The following RGR variants were observed in gnomAD, a reference collection of about 807,000 sequenced individuals.
The protein encoded by RGR is RPE-retinal G protein-coupled receptor.
RGR carries 30 observed loss-of-function variants against 28.6 expected under a neutral mutation model. The observed-to-expected ratio is 1.05, with a 90% confidence interval of 0.78 to 1.42. The LOEUF is 1.42. Among genes scored for constraint, RGR ranks in the 40% most tolerant of loss-of-function variants. The pLI is 0.00. For synonymous variants in RGR, 180 were observed against 156.4 expected (o/e 1.15, Z -1.13); for missense variants, 404 against 375.6 (o/e 1.08, Z -0.62).
At chr10:84,247,066 C>A (rs866760352) in intron 1 of RGR, among the ~76,000 whole-genome samples, 4 of 152,184 alleles carry the variant, frequency 2.6e-5, no homozygotes, top group South Asian at 4.1e-4. Context: ...GAGCAGCAAG[C>A]GAGGCAACCA....
At chr10:84,246,031 C>T (rs572909482) in intron 1 of RGR, among the ~76,000 whole-genome samples, 7 of 152,332 alleles carry the variant, frequency 4.6e-5, no homozygotes, top group East Asian at 1.9e-4. Context: ...GCTCTGGACA[C>T]GACTGTCTGG....
chr10:84,249,256 C>T (rs1225615683), intron 3 of RGR, among the ~76,000 whole-genome samples: 3 of 152,194 alleles, frequency 2.0e-5, no homozygotes, highest in African/African-American at 2.4e-5. Flanking sequence ...CTTGCCATTA[C>T]CGCAACCTTG....
intron 6 of RGR, 81 bp from the exon 7 acceptor site, chr10:84,258,427 G>A: frequency 6.2e-7 from 1 of 1,609,574 alleles, no homozygotes; most frequent in South Asian, 1.1e-5. Flanking sequence ...GTAGGTGGAG[G>A]GTGACCGGGG....
chr10:84,258,443 A>G, intron 6 of RGR, 65 bp from the exon 7 acceptor site: 1 of 1,613,018 alleles, frequency 6.2e-7, no homozygotes, highest in Non-Finnish European at 8.5e-7. Context: ...CGGGGTCACC[A>G]GGTGAGACCA....
chr10:84,256,783 C>T (rs372181202), intron 5 of RGR, among the ~76,000 whole-genome samples: 4 of 152,166 alleles, frequency 2.6e-5, no homozygotes, highest in African/African-American at 9.7e-5. Context: ...GACAAGGCTG[C>T]CACCATGATC....
chr10:84,258,117 T>G, intron 6 of RGR, 111 bp downstream of exon 6: 1 of 1,015,708 alleles, frequency 9.8e-7, no homozygotes, highest in Non-Finnish European at 1.5e-6. Flanking sequence ...TTCCTTTCTG[T>G]GTTTCTTCCT....
chr10:84,248,699 A>G (rs2132878404), intron 2 of RGR: 4 of 677,762 alleles, frequency 5.9e-6, no homozygotes, highest in South Asian at 3.6e-5. Flanking sequence ...TGGCCCAACC[A>G]TGGTGCAGTC....
Position 84,259,071 on chromosome 10 carries a change from A to C in RGR, c.*432A>C. 4 of 246,516 alleles carry C rather than the reference A, an allele frequency of 1.6e-5. No individual in the cohort carries two copies. The highest frequency in any genetic ancestry group is 9.7e-5 in the East Asian group (1 of 10,324). 15.3% of individuals were successfully genotyped at this position (246,516 alleles called of 1,614,324 possible). A position where few individuals can be genotyped will look rare whatever the true frequency, so the allele number is the denominator to read the frequency against. ...GAGTCTCCAATGTCTATTATTCCAC[A>C]CTCCATGTCCACGTGTACACATTAT... On this transcript the variant is annotated 3_prime_UTR_variant, in exon 7 of 7. Transcript: ENST00000652092.
At position 84,250,453 on chromosome 10, in the gene RGR, C is replaced by G. The variant is rs980029371; in HGVS notation, c.358+1410C>G. On this transcript the variant is annotated intron_variant, in intron 3 of 6. Transcript: ENST00000652092. ...GTTAGCCCTCTTGTCCACTTGGCCT[C>G]AGAGCACTTCTCCCACTCCTTACAT... The G allele has an allele frequency of 7.0e-6, 5 of 717,008 alleles. No homozygotes were observed. In the African/African-American group the frequency reaches 8.7e-5, roughly 13 times the overall value. The allele number at this position is 717,008 out of a possible 1,614,324, so 44.4% of individuals were successfully genotyped here.
Position 84,252,934 on chromosome 10 carries a change from C to A in RGR, c.436C>A (p.Pro146Thr). The A allele has an allele frequency of 6.2e-7, 1 of 1,614,084 alleles. No homozygotes were observed. Among genetic ancestry groups the A allele is most frequent in the Non-Finnish European group, 8.5e-7 (1 of 1,180,022 alleles). Reference protein sequence around the residue: ...WLSSAFWAALPLLGWGHYDYE... With the variant: ...WLSSAFWAALTLLGWGHYDYE... ...GTCTTCTGCCTTCTGGGCAGCTCTG[C>A]CCCTTCTGGGTTGGGGTCACTACGA... The change falls in exon 4 of 7, where the codon CCC (proline) becomes ACC (threonine). Residue 146 changes from proline (P) to threonine (T), a missense_variant. Coordinates refer to ENST00000652092, the MANE Select transcript of RGR (RefSeq NM_001012720.2).
At chr10:84,248,739 G>A (rs902171286) in intron 2 of RGR, 183 bp from the exon 3 acceptor site, 6 of 1,025,536 alleles carry the variant, frequency 5.9e-6, no homozygotes, top group African/African-American at 3.1e-5. Context: ...AGTGTGCATT[G>A]GGCTCCACCC....
In RGR at chr10:84,254,425, G is replaced by C; in HGVS notation, c.612G>C (p.Gly204=). Reference sequence around the variant, plus strand: ...ACAGTCTCATGGAGCAGAAACTGGGGAAGAGTGGCCATCTCCAGGTAAGGA... The same window carrying C: ...ACAGTCTCATGGAGCAGAAACTGGGCAAGAGTGGCCATCTCCAGGTAAGGA... ...TSYSLMEQKL[G]KSGHLQVNTT... The change falls in exon 5 of 7, where the codon GGG becomes GGC. Residue 204 remains glycine, a synonymous_variant. Coordinates refer to ENST00000652092, the MANE Select transcript of RGR (RefSeq NM_001012720.2). The C allele has an allele frequency of 6.2e-7, 1 of 1,614,136 alleles. No homozygotes were observed.
At chr10:84,258,104 C>G in intron 6 of RGR, 98 bp downstream of exon 6, 2 of 1,079,196 alleles carry the variant, frequency 1.9e-6, no homozygotes, top group Non-Finnish European at 1.4e-6. Context: ...CTGTGTCAGT[C>G]TCTTCCTTTC....
At chr10:84,250,721 G>T in intron 3 of RGR, 1 of 372,898 alleles carries the variant, frequency 2.7e-6, no homozygotes, top group South Asian at 4.7e-5. Flanking sequence ...CCATCCCTGG[G>T]TGGTTGTAGG....
At chr10:84,249,362 G>C (rs899121119) in intron 3 of RGR, among the ~76,000 whole-genome samples, 7 of 151,408 alleles carry the variant, frequency 4.6e-5, no homozygotes, top group African/African-American at 1.7e-4. Context: ...GCCCAGGCTG[G>C]AGTGCAGTGG....
intron 1 of RGR, among the ~76,000 whole-genome samples, chr10:84,246,985 T>A (rs986408917): frequency 5.4e-4 from 82 of 152,228 alleles, no homozygotes; most frequent in African/African-American, 1.9e-3. Flanking sequence ...GTGCTTCTCA[T>A]AGTTTTGAAG....
chr10:84,258,592 T>C lies in RGR; in HGVS notation c.829T>C (p.Trp277Arg), dbSNP rs1842917600. The stretch of plus-strand genomic sequence containing the variant: ...CAATGAGATGGTCTGCAGGGGAATC[T>C]GGCAGTGCCTCTCACCGCAGAAGAG... ...LGNEMVCRGI[W>R]QCLSPQKREK... Residue 277 changes from tryptophan (W) to arginine (R), a missense_variant, in exon 7 of 7, where the codon TGG (tryptophan) becomes CGG (arginine). Transcript: ENST00000652092. 9 of 1,614,204 alleles carry C rather than the reference T, an allele frequency of 5.6e-6. No homozygotes were observed. Among genetic ancestry groups the C allele is most frequent in the Non-Finnish European group, 7.6e-6 (9 of 1,180,038 alleles).
chr10:84,247,079 C>A (rs1207366909), intron 1 of RGR, among the ~76,000 whole-genome samples: 1 of 152,164 alleles, frequency 6.6e-6, no homozygotes, highest in Non-Finnish European at 1.5e-5. Context: ...GGCAACCAAG[C>A]CAAAATTCAA....
chr10:84,256,993 T>C (rs4382839), intron 5 of RGR, among the ~76,000 whole-genome samples: 17,957 of 151,406 alleles, frequency 0.12, 1,105 homozygotes, highest in South Asian at 0.16. Flanking sequence ...GGTTTTTTTT[T>C]CCCCAAATAA....
Sources: gnomAD v4.1 joint callset for allele counts (sites outside exome capture counted in the v4.1 genomes callset) on GRCh38, gnomAD v4.1.1 for gene constraint, MANE v1.5 for transcripts, NCBI Gene and HGNC (gene_info 2026-07-23, HGNC 2026-07-21) for gene names.